The following PTPN4 variants were observed in gnomAD, a reference collection of about 807,000 sequenced individuals.
PTPN4 encodes tyrosine-protein phosphatase non-receptor type 4.
In PTPN4, 49 loss-of-function variants were observed where a neutral mutation model predicts 135.5. The observed-to-expected ratio is 0.36, with a 90% CI of 0.29 to 0.46. The LOEUF is 0.46. Ranked by LOEUF, PTPN4 falls within the 20% of genes least tolerant of loss-of-function variation. PTPN4 has a pLI of 1.00. For synonymous variants in PTPN4, 333 were observed against 369.9 expected (o/e 0.90, Z 1.14); for missense variants, 860 against 1,101.0 (o/e 0.78, Z 3.10).
intron 15 of PTPN4, among the ~76,000 whole-genome samples, chr2:119,939,480 T>C (rs1336522446): frequency 6.6e-6 from 1 of 152,052 alleles, no homozygotes; most frequent in African/African-American, 2.4e-5. Context: ...TTTGTATTTC[T>C]TGTGGAAACA....
At chr2:119,825,062 T>C (rs936749276) in intron 2 of PTPN4, among the ~76,000 whole-genome samples, 5 of 152,216 alleles carry the variant, frequency 3.3e-5, no homozygotes, top group African/African-American at 1.2e-4. Flanking sequence ...CTTTCCTACG[T>C]ATATACTTAT....
chr2:119,781,578 C>T (rs955710289), intron 1 of PTPN4, among the ~76,000 whole-genome samples: 5 of 152,194 alleles, frequency 3.3e-5, no homozygotes, highest in African/African-American at 7.2e-5. Context: ...GTGTATTCTG[C>T]TGTGGTTAGC....
chr2:119,917,857 ATC>A (rs1214997250), intron 11 of PTPN4, among the ~76,000 whole-genome samples: 2 of 152,220 alleles, frequency 1.3e-5, no homozygotes, highest in Non-Finnish European at 2.9e-5. Flanking sequence ...CGATATACTT[ATC>A]TCTCAGTACA....
chr2:119,854,400 C>T (rs181735723), intron 2 of PTPN4, among the ~76,000 whole-genome samples: 1 of 152,308 alleles, frequency 6.6e-6, no homozygotes, highest in East Asian at 1.9e-4. Context: ...ACTGAGGACT[C>T]CTTACCCTAT....
At chr2:119,925,244 T>C (rs557524545) in intron 12 of PTPN4, among the ~76,000 whole-genome samples, 1 of 152,308 alleles carries the variant, frequency 6.6e-6, no homozygotes, top group African/African-American at 2.4e-5. Context: ...CTCCACTTTC[T>C]GATCTTCCAC....
chr2:119,813,209 T>C (rs1427885221), intron 2 of PTPN4, among the ~76,000 whole-genome samples: 1 of 152,092 alleles, frequency 6.6e-6, no homozygotes, highest in Admixed American at 6.6e-5. Flanking sequence ...GACCTCTTGA[T>C]ATCCTGGACT....
chr2:119,956,967 C>T, intron 21 of PTPN4, 33 bp downstream of exon 21: 3 of 1,602,496 alleles, frequency 1.9e-6, no homozygotes, highest in Non-Finnish European at 1.7e-6. Context: ...TAAATTTAAT[C>T]TTTTAAACAT....
intron 15 of PTPN4, 105 bp from the exon 16 acceptor site, chr2:119,944,976 G>C: frequency 1.0e-6 from 1 of 958,288 alleles, no homozygotes. Context: ...AATAAATATG[G>C]TATTTAGAGC....
intron 1 of PTPN4, among the ~76,000 whole-genome samples, chr2:119,800,800 G>T (rs1691347452): frequency 6.6e-6 from 1 of 151,918 alleles, no homozygotes; most frequent in Non-Finnish European, 1.5e-5. Context: ...GATTGGTTCA[G>T]CACTGTTTGT....
intron 1 of PTPN4, among the ~76,000 whole-genome samples, chr2:119,766,450 G>GC (rs1491192149): frequency 1.2e-4 from 5 of 40,568 alleles, no homozygotes; most frequent in African/African-American, 3.6e-4. Context: ...ATGTGCGCGC[G>GC]TGTGTGTGTG....
At chr2:119,944,949 A>T in intron 15 of PTPN4, 132 bp from the exon 16 acceptor site, 1 of 675,840 alleles carries the variant, frequency 1.5e-6, no homozygotes, top group Non-Finnish European at 2.3e-6. Context: ...AATTTTCATT[A>T]AAAAGTGGCA....
chr2:119,771,645 T>TTCTAACTGCCTG (rs1422519433), intron 1 of PTPN4: 2 of 152,226 alleles, frequency 1.3e-5, no homozygotes, highest in African/African-American at 4.8e-5. Context: ...GGATACTATT[T>TTCTAACTGCCTG]TCTAACTGCC....
chr2:119,949,351 G>A (rs1001809680), intron 18 of PTPN4, among the ~76,000 whole-genome samples: 5 of 152,218 alleles, frequency 3.3e-5, no homozygotes, highest in South Asian at 2.1e-4. Flanking sequence ...TTAGGCAATC[G>A]GGGGAAAAGG....
chr2:119,941,592 A>C (rs995671854), intron 15 of PTPN4, among the ~76,000 whole-genome samples: 3 of 152,160 alleles, frequency 2.0e-5, no homozygotes, highest in Non-Finnish European at 2.9e-5. Flanking sequence ...GCATATGGAG[A>C]GCCTGTCTGC....
intron 1 of PTPN4, among the ~76,000 whole-genome samples, chr2:119,803,834 G>A (rs991204275): frequency 1.2e-4 from 18 of 150,560 alleles, no homozygotes; most frequent in African/African-American, 4.2e-4. Flanking sequence ...CTGTTGGTTG[G>A]TACATCCACA....
intron 11 of PTPN4, among the ~76,000 whole-genome samples, chr2:119,917,861 C>G (rs1305479046): frequency 6.6e-6 from 1 of 152,158 alleles, no homozygotes; most frequent in Non-Finnish European, 1.5e-5. Flanking sequence ...ATACTTATCT[C>G]TCAGTACAAA....
intron 2 of PTPN4, among the ~76,000 whole-genome samples, chr2:119,819,316 G>C (rs2104954573): frequency 6.6e-6 from 1 of 152,138 alleles, no homozygotes; most frequent in South Asian, 2.1e-4. Flanking sequence ...GTCTATATTT[G>C]GTCCGGTTTT....
chr2:119,947,774 AC>A (rs1679156922), intron 18 of PTPN4, among the ~76,000 whole-genome samples: 1 of 151,370 alleles, frequency 6.6e-6, no homozygotes, highest in African/African-American at 2.4e-5. Flanking sequence ...ACACACACAC[AC>A]ACACACACAC....
rs74519957 is a variant in PTPN4 at position 119,947,682 on chromosome 2, C to T, written c.1656+1108C>T. On this transcript the variant is annotated intron_variant, in intron 18 of 26. Coordinates refer to ENST00000263708, the MANE Select transcript of PTPN4 (RefSeq NM_002830.4). ...ACATTGAATCAGCCTACCTCTCAAG[C>T]CACTCCAGATAAACACTCCAGTCTA... is the stretch of plus-strand genomic sequence containing the variant. Among the ~76,000 whole-genome samples, 13 of 151,868 alleles carry T rather than the reference C, an allele frequency of 8.6e-5. No homozygotes were observed. The East Asian group carries it at 2.5e-3, about 29-fold the overall frequency.
Sources: allele counts gnomAD v4.1 joint callset (sites outside exome capture counted in the v4.1 genomes callset), GRCh38; gene constraint gnomAD v4.1.1; transcripts MANE v1.5; gene names NCBI Gene and HGNC (gene_info 2026-07-23, HGNC 2026-07-21).